The following MPPED2 variants were observed in gnomAD, a reference collection of about 807,000 sequenced individuals.
The protein encoded by MPPED2 is metallophosphoesterase domain containing 2, also known as metallophosphoesterase MPPED2.
MPPED2 carries 5 observed loss-of-function variants against 33.0 expected under a neutral mutation model. The observed-to-expected ratio is 0.15, with a 90% CI of 0.08 to 0.32. The LOEUF is 0.32. Among genes scored for constraint, MPPED2 ranks in the 10% least tolerant of loss-of-function variants. MPPED2 has a pLI of 1.00. For synonymous variants in MPPED2, 136 were observed against 141.9 expected, an observed-to-expected ratio of 0.96 and a Z score of 0.29; for missense variants, 275 against 372.1, an observed-to-expected ratio of 0.74 and a Z score of 2.15.
chr11:30,401,760 C>T (rs1947911150), intron 6 of MPPED2, among the ~76,000 whole-genome samples: 1 of 152,210 alleles, frequency 6.6e-6, no homozygotes, highest in Non-Finnish European at 1.5e-5. Context: ...TCTCAGCTCA[C>T]TGCAAGCTCC....
intron 6 of MPPED2, among the ~76,000 whole-genome samples, chr11:30,400,246 A>G (rs909146074): frequency 9.9e-5 from 15 of 152,182 alleles, no homozygotes; most frequent in South Asian, 4.1e-4. Context: ...TAATAAAAAA[A>G]TATTTCTTTT....
intron 3 of MPPED2, among the ~76,000 whole-genome samples, chr11:30,524,779 A>G (rs1435113582): frequency 6.6e-6 from 1 of 152,132 alleles, no homozygotes; most frequent in Non-Finnish European, 1.5e-5. Flanking sequence ...TGGTACTGTG[A>G]GTCAAAAGGG....
In MPPED2 at chr11:30,576,481, C is replaced by T. The variant is rs1348610324; in HGVS notation, c.128+3765G>A. Among the ~76,000 whole-genome samples the T allele has an allele frequency of 2.6e-5, 4 of 152,112 alleles. No homozygotes were observed. In the East Asian group the frequency reaches 7.7e-4, roughly 29 times the overall value. ...TGAAGAATTAACCTGAGTAGGGTAT[C>T]CTATTGTCCTATGGCATTCCAATAA... is the stretch of plus-strand genomic sequence containing the variant. On this transcript the variant is annotated intron_variant, in intron 2 of 6. Transcript: ENST00000358117.
chr11:30,384,166 A>T (rs1437405783), downstream of MPPED2, among the ~76,000 whole-genome samples: 1 of 151,890 alleles, frequency 6.6e-6, no homozygotes, highest in African/African-American at 2.4e-5. Flanking sequence ...AAACAAAGAC[A>T]CTCCCAATAC....
At chr11:30,509,421 G>A (rs983943553) in intron 3 of MPPED2, among the ~76,000 whole-genome samples, 3 of 152,204 alleles carry the variant, frequency 2.0e-5, no homozygotes, top group Non-Finnish European at 4.4e-5. Flanking sequence ...GTAATCAATA[G>A]ATGGAGTTAA....
intron 2 of MPPED2, among the ~76,000 whole-genome samples, chr11:30,553,309 C>A (rs1258397453): frequency 6.6e-6 from 1 of 152,148 alleles, no homozygotes; most frequent in African/African-American, 2.4e-5. Context: ...GTAGAACTTG[C>A]AATAGTCATA....
At chr11:30,541,097 T>C (rs1015794183) in intron 2 of MPPED2, among the ~76,000 whole-genome samples, 2 of 152,210 alleles carry the variant, frequency 1.3e-5, no homozygotes, top group Non-Finnish European at 2.9e-5. Flanking sequence ...CAGATTTTTC[T>C]AGAGAAGGCC....
chr11:30,406,128 G>A (rs1344741289), downstream of MPPED2, among the ~76,000 whole-genome samples: 1 of 152,136 alleles, frequency 6.6e-6, no homozygotes, highest in East Asian at 1.9e-4. Context: ...TGTTGCAGGT[G>A]GACGGGTTGA....
intron 3 of MPPED2, among the ~76,000 whole-genome samples, chr11:30,500,963 G>A (rs138810778): frequency 3.9e-5 from 6 of 152,254 alleles, no homozygotes; most frequent in South Asian, 2.1e-4. Context: ...CTTTAAGCCC[G>A]CATGAAGTGT....
chr11:30,536,457 G>C (rs1343680221), intron 2 of MPPED2, among the ~76,000 whole-genome samples: 1 of 152,148 alleles, frequency 6.6e-6, no homozygotes, highest in Non-Finnish European at 1.5e-5. Context: ...GAAACTGATA[G>C]AGTGATTAAT....
At chr11:30,585,631 C>G (rs1452703265) in intron 1 of MPPED2, among the ~76,000 whole-genome samples, 1 of 152,126 alleles carries the variant, frequency 6.6e-6, no homozygotes, top group Non-Finnish European at 1.5e-5. Context: ...GCCGATACCC[C>G]CTCCTCTCCT....
intron 1 of MPPED2, among the ~76,000 whole-genome samples, chr11:30,583,800 G>T (rs1590951607): frequency 6.6e-6 from 1 of 152,096 alleles, no homozygotes; most frequent in Non-Finnish European, 1.5e-5. Context: ...TGAGAAAAGA[G>T]CCCGCGGTTT....
chr11:30,533,636 G>A (rs1954655168), intron 3 of MPPED2, among the ~76,000 whole-genome samples: 1 of 152,122 alleles, frequency 6.6e-6, no homozygotes, highest in Non-Finnish European at 1.5e-5. Flanking sequence ...TGAGCACCAT[G>A]AGGTTGCCTG....
chr11:30,487,918 T>C (rs1485910054), intron 4 of MPPED2, among the ~76,000 whole-genome samples: 1 of 152,012 alleles, frequency 6.6e-6, no homozygotes, highest in Non-Finnish European at 1.5e-5. Flanking sequence ...TACACCCTTT[T>C]TGCAACTAGA....
chr11:30,505,340 AAC>A (rs1316055960), intron 3 of MPPED2, among the ~76,000 whole-genome samples: 1 of 152,192 alleles, frequency 6.6e-6, no homozygotes, highest in African/African-American at 2.4e-5. Context: ...TTTTTAAGAC[AAC>A]CACAAGGTAG....
intron 4 of MPPED2, among the ~76,000 whole-genome samples, chr11:30,434,190 T>G (rs1021528622): frequency 6.6e-6 from 1 of 152,200 alleles, no homozygotes; most frequent in Non-Finnish European, 1.5e-5. Flanking sequence ...ATTCACATAT[T>G]TCTGGGATTA....
chr11:30,554,895 G>T (rs771445972), intron 2 of MPPED2, among the ~76,000 whole-genome samples: 9 of 152,082 alleles, frequency 5.9e-5, no homozygotes, highest in Non-Finnish European at 7.4e-5. Flanking sequence ...TAAGTACACT[G>T]CTCATTGTGA....
intron 4 of MPPED2, chr11:30,468,963 A>G (rs1274116726): frequency 1.3e-5 from 2 of 152,184 alleles, no homozygotes; most frequent in Admixed American, 6.5e-5. Context: ...CAGTTCAGGA[A>G]GAAATTTCTG....
At position 30,497,840 on chromosome 11, in the gene MPPED2, A is replaced by T. The variant is rs1952352815; in HGVS notation, c.311-2319T>A. ...GGTAGCCACCAAAATGAAGAGCCAC[A>T]AAAAAGGTGATGATATTTACACATC... On this transcript the variant is annotated intron_variant, in intron 3 of 6. Transcript: ENST00000358117. 2.0e-5 allele frequency among the ~76,000 whole-genome samples: 3 copies of T among 152,180 alleles called. No homozygotes were observed. The South Asian group carries it at 6.2e-4, about 32-fold the overall frequency.
Sources: gnomAD v4.1 joint callset for allele counts (sites outside exome capture counted in the v4.1 genomes callset) on GRCh38, gnomAD v4.1.1 for gene constraint, MANE v1.5 for transcripts, NCBI Gene and HGNC (gene_info 2026-07-23, HGNC 2026-07-21) for gene names.